The following DNAH12 variants were observed in gnomAD, a reference collection of about 807,000 sequenced individuals.
DNAH12 encodes the protein dynein axonemal heavy chain 12.
DNAH12 carries 285 observed loss-of-function variants against 371.5 expected under a neutral mutation model. The ratio of observed to expected loss-of-function variants is 0.77; its 90% CI spans 0.70 to 0.85. The LOEUF is 0.85. DNAH12 is among the 40% of genes least tolerant of loss of function. The pLI is 0.00. For synonymous variants in DNAH12, 1,200 were observed against 1,213.0 expected (o/e 0.99, Z 0.22); for missense variants, 3,611 against 3,689.4 (o/e 0.98, Z 0.55).
the DNAH12 span, among the ~76,000 whole-genome samples, chr3:57,555,498 A>C: frequency 1.3e-5 from 2 of 151,836 alleles, no homozygotes; most frequent in South Asian, 2.1e-4. Context: ...TGATCAGGCC[A>C]CTGCACTCCA....
intron 4 of DNAH12, 102 bp from the exon 5 acceptor site, chr3:57,511,081 T>C: frequency 2.5e-6 from 2 of 790,752 alleles, no homozygotes; most frequent in South Asian, 6.6e-5. Flanking sequence ...AGATTAAAAA[T>C]ATTCTGAAAA....
intron 50 of DNAH12, among the ~76,000 whole-genome samples, chr3:57,382,016 C>T: frequency 6.6e-6 from 1 of 152,106 alleles, no homozygotes; most frequent in Non-Finnish European, 1.5e-5. Context: ...GACAGGTGCC[C>T]ACCACCGCAC....
chr3:57,396,383 A>G, intron 43 of DNAH12, among the ~76,000 whole-genome samples: 1 of 147,374 alleles, frequency 6.8e-6, no homozygotes, highest in Non-Finnish European at 1.5e-5. Flanking sequence ...ACTTATTGTC[A>G]TGAGCATCAT....
In DNAH12 at chr3:57,384,848, G is replaced by C. The variant is rs1281715002; in HGVS notation, c.7841C>G (p.Ser2614Cys). 5 of 152,138 alleles carry C rather than the reference G, an allele frequency of 3.3e-5. No homozygotes were observed. The highest frequency in any genetic ancestry group is 1.2e-4 in the African/African-American group (5 of 41,412). The allele number at this position is 152,138 out of a possible 1,614,324, so 9.4% of individuals were successfully genotyped here. Residue 2614 changes from serine to cysteine, a missense_variant, in exon 49 of 74, where the codon TCT (serine) becomes TGT (cysteine). Transcript: ENST00000495027. Reference protein sequence around the residue: ...EAIPALEAALSALDTLKPADI... With the variant: ...EAIPALEAALCALDTLKPADI... ...ACTTGCCTTAAGTGTATCCAGTGCA[G>C]ACAGAGCTGCTTCCAAGGCTGGAAT... is the stretch of plus-strand genomic sequence containing the variant.
At chr3:57,479,566 C>A (rs893476537) in intron 13 of DNAH12, among the ~76,000 whole-genome samples, 1 of 152,090 alleles carries the variant, frequency 6.6e-6, no homozygotes, top group African/African-American at 2.4e-5. Context: ...CTGCACCAAG[C>A]GGACCTAATA....
chr3:57,530,641 G>A, intron 2 of DNAH12: 2 of 505,116 alleles, frequency 4.0e-6, no homozygotes, highest in Non-Finnish European at 7.3e-6. Flanking sequence ...TTTCACCACT[G>A]TCAGTAGAGT....
intron 50 of DNAH12, 80 bp from the exon 51 acceptor site, chr3:57,380,447 G>A (rs2063365069): frequency 6.6e-6 from 1 of 152,140 alleles, no homozygotes; most frequent in South Asian, 2.1e-4. Flanking sequence ...TGAAGTTTAA[G>A]AGGCATTATC....
At chr3:57,402,775 G>A (rs6794357) in intron 43 of DNAH12, among the ~76,000 whole-genome samples, 29,801 of 152,036 alleles carry the variant, frequency 0.2, 3,169 homozygotes, top group African/African-American at 0.24. Context: ...GTACAATAGC[G>A]CAACTATATT....
At chr3:57,543,027 G>T in intron 1 of DNAH12, 124 bp from the exon 2 acceptor site, 1 of 639,516 alleles carries the variant, frequency 1.6e-6, no homozygotes, top group Non-Finnish European at 2.3e-6. Flanking sequence ...TCCCAAGTAT[G>T]GTATTAGTCT....
chr3:57,449,724 T>C (rs1219095450), intron 25 of DNAH12, among the ~76,000 whole-genome samples: 1 of 152,084 alleles, frequency 6.6e-6, no homozygotes, highest in Admixed American at 6.5e-5. Context: ...CGCTCGCGCC[T>C]CTCCCTCCAC....
intron 2 of DNAH12, among the ~76,000 whole-genome samples, chr3:57,537,140 A>C (rs1358336958): frequency 6.6e-6 from 1 of 152,086 alleles, no homozygotes; most frequent in Non-Finnish European, 1.5e-5. Flanking sequence ...GTTGCAGTGA[A>C]CAGAGATCGC....
Position 57,471,532 on chromosome 3 carries a change from T to C in DNAH12, c.1851A>G (p.Glu617=), listed in dbSNP as rs894327092. ...ACTCCTCCATGCGGCGTGATTCTTT[T>C]TCTATTTCCAAAATAAGTTTCTCTC... ...AKREKLILEI[E]KESRRMEEFT... is the part of the protein sequence containing the mutation. Residue 617 remains glutamate (E), a synonymous_variant, in exon 15 of 74, where the codon GAA becomes GAG. Transcript: ENST00000495027. The C allele has an allele frequency of 6.5e-7, 1 of 1,549,606 alleles. No homozygotes were observed. Among genetic ancestry groups the C allele is most frequent in the African/African-American group, 1.4e-5 (1 of 72,960 alleles).
intron 60 of DNAH12, among the ~76,000 whole-genome samples, chr3:57,347,707 T>TC: frequency 7.7e-6 from 1 of 129,500 alleles, no homozygotes; most frequent in East Asian, 2.1e-4. Context: ...GGGTGACAGA[T>TC]CAAGAATCTG....
intron 60 of DNAH12, among the ~76,000 whole-genome samples, chr3:57,340,989 A>T (rs1221007990): frequency 6.6e-6 from 1 of 152,234 alleles, no homozygotes; most frequent in Non-Finnish European, 1.5e-5. Flanking sequence ...TATTCAACCT[A>T]CACAAATAAT....
intron 72 of DNAH12, 108 bp from the exon 73 acceptor site, chr3:57,295,700 TAGAGAA>T (rs2061219571): frequency 2.3e-6 from 2 of 865,206 alleles, no homozygotes; most frequent in African/African-American, 3.5e-5. Flanking sequence ...ACTAGAGGCA[TAGAGAA>T]AAAGAAATGT....
chr3:57,513,639 G>T (rs1390890054), intron 4 of DNAH12, among the ~76,000 whole-genome samples: 1 of 152,066 alleles, frequency 6.6e-6, no homozygotes, highest in African/African-American at 2.4e-5. Context: ...ATGGGCAGAA[G>T]ATATAAACTA....
intron 66 of DNAH12, among the ~76,000 whole-genome samples, chr3:57,313,165 G>A (rs2061614553): frequency 2.0e-5 from 3 of 152,236 alleles, no homozygotes; most frequent in Middle Eastern, 3.4e-3. Flanking sequence ...TAAAGCCTAC[G>A]CCTGTGACCT....
chr3:57,442,109 A>G (rs2065325560), intron 29 of DNAH12, among the ~76,000 whole-genome samples: 1 of 152,152 alleles, frequency 6.6e-6, no homozygotes, highest in Non-Finnish European at 1.5e-5. Context: ...TTCAGAAATA[A>G]AGATTAAATA....
chr3:57,353,824 G>A (rs1476134602), intron 59 of DNAH12, among the ~76,000 whole-genome samples: 2 of 152,080 alleles, frequency 1.3e-5, no homozygotes, highest in African/African-American at 2.4e-5. Context: ...ACCACAATGG[G>A]ATACCATCTC....
Sources: allele counts gnomAD v4.1 joint callset (sites outside exome capture counted in the v4.1 genomes callset), GRCh38; gene constraint gnomAD v4.1.1; transcripts MANE v1.5; gene names NCBI Gene and HGNC (gene_info 2026-07-23, HGNC 2026-07-21).